MED13L: variants seen among roughly 807,000 people sequenced by gnomAD.
MED13L encodes the protein mediator complex subunit 13L.
A neutral mutation model predicts 220.9 loss-of-function variants in MED13L; 7 were observed. That is an observed-to-expected ratio of 0.03 (90% CI 0.02 to 0.06). The LOEUF (loss-of-function observed/expected upper bound fraction) is 0.06. Among genes scored for constraint, MED13L ranks in the 10% least tolerant of loss-of-function variants. The pLI is 1.00. For missense variants in MED13L, 1,965 were observed against 2,760.5 expected, an observed-to-expected ratio of 0.71 and a Z score of 6.46; for synonymous variants, 1,011 against 1,015.2, an observed-to-expected ratio of 1.00 and a Z score of 0.08.
intron 4 of MED13L, among the ~76,000 whole-genome samples, chr12:116,051,042 T>C (rs1164438668): frequency 6.6e-6 from 1 of 152,132 alleles, no homozygotes; most frequent in Non-Finnish European, 1.5e-5. Context: ...TGTACAAAAC[T>C]GTATGCATAA....
At chr12:116,191,103 A>AAAAG (rs1555221262) in intron 2 of MED13L, among the ~76,000 whole-genome samples, 5 of 151,012 alleles carry the variant, frequency 3.3e-5, no homozygotes, top group South Asian at 2.1e-4. Flanking sequence ...AAAAAAAAAA[A>AAAAG]AAAAGAAAAG....
At chr12:116,257,741 A>G (rs752173901) in intron 1 of MED13L, among the ~76,000 whole-genome samples, 4 of 152,118 alleles carry the variant, frequency 2.6e-5, no homozygotes, top group Non-Finnish European at 4.4e-5. Flanking sequence ...AAAAAAACTG[A>G]AAGACTTTTA....
Position 116,078,641 on chromosome 12 carries a change from A to G in MED13L, c.479+18028T>C, listed in dbSNP as rs996933845. Among the ~76,000 whole-genome samples the G allele has an allele frequency of 3.9e-5, 6 of 152,316 alleles. No individual in the cohort carries two copies. In the East Asian group the frequency reaches 9.6e-4, roughly 24 times the overall value. ...GAACAACCTATGCCTCTTTGCTTAC[A>G]TATCATCTATGGCTGCTTTCTCAGT... is the stretch of plus-strand genomic sequence containing the variant. On this transcript the variant is annotated intron_variant, in intron 4 of 30. Transcript: ENST00000281928.
intron 2 of MED13L, among the ~76,000 whole-genome samples, chr12:116,204,760 C>A (rs934377687): frequency 3.9e-5 from 6 of 152,166 alleles, no homozygotes; most frequent in African/African-American, 1.4e-4. Flanking sequence ...CTTGTCTTGT[C>A]TGTAGATCCC....
intron 2 of MED13L, among the ~76,000 whole-genome samples, chr12:116,191,290 A>G (rs1027156072): frequency 6.6e-6 from 1 of 152,092 alleles, no homozygotes. Context: ...CTGGGTAACA[A>G]TAATCAAACT....
intron 2 of MED13L, among the ~76,000 whole-genome samples, chr12:116,118,607 G>A (rs1874731073): frequency 1.3e-5 from 2 of 152,148 alleles, no homozygotes; most frequent in Admixed American, 6.5e-5. Context: ...CAAACAGAAT[G>A]TAAATCAGAC....
intron 4 of MED13L, among the ~76,000 whole-genome samples, chr12:116,079,670 C>A (rs1207678447): frequency 6.6e-6 from 1 of 152,106 alleles, no homozygotes; most frequent in East Asian, 1.9e-4. Flanking sequence ...CCTCAAGTAG[C>A]TGGGACTACA....
intron 1 of MED13L, among the ~76,000 whole-genome samples, chr12:116,260,659 A>T (rs1872446248): frequency 6.6e-6 from 1 of 152,178 alleles, no homozygotes; most frequent in Admixed American, 6.5e-5. Context: ...AGCAATAAGT[A>T]CCAATGATAA....
rs1001367593 is a variant in MED13L, at chr12:116,052,015, C to T, written c.480-29414G>A. ...GCTTGCCCTTCATTTCTAACAGCAG[C>T]AGTGGTAGCCGACCAGTTTTGTTTT... On this transcript the variant is annotated intron_variant, in intron 4 of 30. Transcript: ENST00000281928. Among the ~76,000 whole-genome samples, 6 of 152,170 alleles carry T rather than the reference C, an allele frequency of 3.9e-5. 1 individual carries two copies. In the South Asian group the frequency reaches 1.0e-3, roughly 26 times the overall value.
At chr12:116,076,628 G>T (rs149851665) in intron 4 of MED13L, among the ~76,000 whole-genome samples, 384 of 152,286 alleles carry the variant, frequency 2.5e-3, no homozygotes, top group African/African-American at 9.0e-3. Context: ...GAAGCAAGGG[G>T]TCAAGAGCAA....
At chr12:116,201,960 T>C (rs1373197624) in intron 2 of MED13L, among the ~76,000 whole-genome samples, 1 of 152,244 alleles carries the variant, frequency 6.6e-6, no homozygotes, top group African/African-American at 2.4e-5. Context: ...ATTCTCTTTG[T>C]AAGCTGTAAA....
At chr12:115,987,730 C>T (rs1877793529) in intron 17 of MED13L, among the ~76,000 whole-genome samples, 1 of 152,120 alleles carries the variant, frequency 6.6e-6, no homozygotes, top group South Asian at 2.1e-4. Flanking sequence ...TCTTTAAATG[C>T]TCCTAATTGT....
chr12:116,043,622 C>T (rs1881664339), intron 4 of MED13L, among the ~76,000 whole-genome samples: 2 of 152,180 alleles, frequency 1.3e-5, no homozygotes, highest in South Asian at 4.1e-4. Context: ...GCAAGTTAAA[C>T]TGGGAACCAA....
At chr12:116,089,492 C>T (rs368506747) in intron 4 of MED13L, among the ~76,000 whole-genome samples, 1 of 152,032 alleles carries the variant, frequency 6.6e-6, no homozygotes, top group African/African-American at 2.4e-5. Context: ...ATTACAGTAT[C>T]CTTTTAGGAT....
At chr12:116,019,526 T>C (rs753064943) in intron 6 of MED13L, 114 bp from the exon 7 acceptor site, 44 of 1,240,852 alleles carry the variant, frequency 3.5e-5, no homozygotes, top group Non-Finnish European at 4.4e-5. Flanking sequence ...CTGCCAAAAG[T>C]GATAGGCTCC....
Position 115,983,378 on chromosome 12 carries a change from G to A in MED13L, c.4694C>T (p.Thr1565Ile). 1.2e-6 allele frequency: 2 copies of A among 1,614,206 alleles called. No individual in the cohort carries two copies. The highest frequency in any genetic ancestry group is 1.7e-6 in the Non-Finnish European group (2 of 1,180,026). ...AGGATTTGTAGAACTACTATTCGAG[G>A]TGGGATTAAATGCACTGCCAGCTGG... ...APPAGSAFNPTSNSSSTNPAA... is the reference protein window; with the variant it reads ...APPAGSAFNPISNSSSTNPAA... The change falls in exon 21 of 31, where the codon ACC (threonine) becomes ATC (isoleucine). Residue 1565 changes from threonine to isoleucine, a missense_variant. Physicochemically the swap from Thr to Ile is moderately conservative, Grantham distance 89. Transcript: ENST00000281928.
chr12:116,059,993 G>A (rs79913063), intron 4 of MED13L, among the ~76,000 whole-genome samples: 3 of 151,956 alleles, frequency 2.0e-5, no homozygotes, highest in African/African-American at 4.8e-5. Flanking sequence ...TAAAGAAAAC[G>A]CTTGGAAAAT....
At chr12:116,209,373 T>C (rs1463864) in intron 2 of MED13L, among the ~76,000 whole-genome samples, 111,450 of 152,160 alleles carry the variant, frequency 0.73, 42,416 homozygotes, top group East Asian at 1. Flanking sequence ...CCTAAGGCCA[T>C]GATGAGGAAA....
chr12:116,171,724 C>T (rs1195646344), intron 2 of MED13L, among the ~76,000 whole-genome samples: 1 of 152,190 alleles, frequency 6.6e-6, no homozygotes, highest in Non-Finnish European at 1.5e-5. Flanking sequence ...TGTAACATAG[C>T]CTCGATACCA....
Sources: gnomAD v4.1 joint callset for allele counts (sites outside exome capture counted in the v4.1 genomes callset) on GRCh38, gnomAD v4.1.1 for gene constraint, MANE v1.5 for transcripts, NCBI Gene and HGNC (gene_info 2026-07-23, HGNC 2026-07-21) for gene names.